The following ST8SIA5 variants were observed in gnomAD, a reference collection of about 807,000 sequenced individuals.
The protein encoded by ST8SIA5 is ST8 alpha-N-acetyl-neuraminide alpha-2,8-sialyltransferase 5.
Under a neutral mutation model 40.2 loss-of-function variants are expected in ST8SIA5, and 24 were observed. That is an observed-to-expected ratio of 0.60 (90% CI 0.43 to 0.84). The LOEUF (loss-of-function observed/expected upper bound fraction) is 0.84. ST8SIA5 is among the 40% of genes least tolerant of loss of function. The probability of loss-of-function intolerance (pLI) is 0.00; values close to 1 mark genes in which losing one functional copy is unlikely to be tolerated. For synonymous variants in ST8SIA5, 198 were observed against 201.8 expected (o/e 0.98, Z 0.16); for missense variants, 465 against 498.5 (o/e 0.93, Z 0.64).
At chr18:46,707,787 C>T (rs2039684067) in intron 1 of ST8SIA5, among the ~76,000 whole-genome samples, 1 of 152,174 alleles carries the variant, frequency 6.6e-6, no homozygotes, top group Admixed American at 6.5e-5. Context: ...AAAAGAGGCC[C>T]AAGAGAGACT....
intron 5 of ST8SIA5, among the ~76,000 whole-genome samples, chr18:46,684,817 G>A (rs2039429985): frequency 6.6e-6 from 1 of 152,176 alleles, no homozygotes; most frequent in South Asian, 2.1e-4. Flanking sequence ...GTTGTTAAAG[G>A]CCTCATGATA....
chr18:46,721,517 A>C (rs140120149), intron 1 of ST8SIA5: 8 of 1,464,890 alleles, frequency 5.5e-6, no homozygotes, highest in Non-Finnish European at 7.4e-6. Flanking sequence ...TTGCTGGGTT[A>C]AGCCTGCCTA....
At chr18:46,740,995 G>A (rs902075081) in intron 1 of ST8SIA5, among the ~76,000 whole-genome samples, 2 of 152,066 alleles carry the variant, frequency 1.3e-5, no homozygotes, top group Admixed American at 1.3e-4. Flanking sequence ...AAAATAGAAA[G>A]ACTGTTAACT....
At chr18:46,726,117 C>G (rs1021842271) in intron 1 of ST8SIA5, among the ~76,000 whole-genome samples, 1 of 145,376 alleles carries the variant, frequency 6.9e-6, no homozygotes, top group Non-Finnish European at 1.5e-5. Flanking sequence ...TTGCTTGAAC[C>G]TGGGAGGCAG....
intron 1 of ST8SIA5, among the ~76,000 whole-genome samples, chr18:46,732,402 G>T (rs1418307925): frequency 6.6e-6 from 1 of 152,224 alleles, no homozygotes; most frequent in African/African-American, 2.4e-5. Flanking sequence ...GGAGTCAGTT[G>T]CACCCAGCAC....
At chr18:46,719,682 T>TCTTTCTTTCTTTCTTTCTTTCTTTCTTTC (rs138438614) in intron 1 of ST8SIA5, among the ~76,000 whole-genome samples, 46 of 107,164 alleles carry the variant, frequency 4.3e-4, no homozygotes, top group African/African-American at 1.5e-3. Context: ...TTCTTTTCTT[T>TCTTTCTTTCTTTCTTTCTTTCTTTCTTTC]TTTCTTTCTT....
intron 2 of ST8SIA5, among the ~76,000 whole-genome samples, chr18:46,694,666 C>A (rs2039538786): frequency 1.3e-5 from 2 of 152,046 alleles, no homozygotes; most frequent in Non-Finnish European, 2.9e-5. Context: ...CTGAGTGTTA[C>A]CAAGAAACTA....
At chr18:46,680,574 C>T in intron 6 of ST8SIA5, 64 bp from the exon 7 acceptor site, 1 of 1,471,446 alleles carries the variant, frequency 6.8e-7, no homozygotes, top group South Asian at 1.4e-5. Context: ...CCTCGCTTCC[C>T]CACCCTTGCA....
intron 1 of ST8SIA5, among the ~76,000 whole-genome samples, chr18:46,710,196 C>T (rs2039708699): frequency 6.6e-6 from 1 of 152,132 alleles, no homozygotes. Flanking sequence ...CATCATTCTG[C>T]CCCATCTCTC....
chr18:46,699,448 C>T (rs916634736), intron 2 of ST8SIA5, among the ~76,000 whole-genome samples: 5 of 150,748 alleles, frequency 3.3e-5, no homozygotes, highest in African/African-American at 4.9e-5. Context: ...GGTGTGATCT[C>T]GGCTCACTGC....
At chr18:46,742,537 C>T (rs116030325) in intron 1 of ST8SIA5, among the ~76,000 whole-genome samples, 5,744 of 152,138 alleles carry the variant, frequency 0.038, 376 homozygotes, top group African/African-American at 0.13. Flanking sequence ...ACCTGATAAG[C>T]GACTTATACT....
intron 1 of ST8SIA5, among the ~76,000 whole-genome samples, chr18:46,730,529 T>C (rs949281435): frequency 2.1e-4 from 32 of 152,242 alleles, no homozygotes; most frequent in African/African-American, 7.7e-4. Flanking sequence ...TTTGTAACTT[T>C]TGATTTTATA....
rs2039313715 is a variant in ST8SIA5, at chr18:46,672,359, T to C, written c.*7683A>G. ...CTGCTGAATCAGATCCTCCGGGAAG[T>C]AAAGGACCTGGCTTGGGGATTATTT... On this transcript the variant is annotated 3_prime_UTR_variant, in exon 7 of 7. Transcript: ENST00000315087. The C allele has an allele frequency of 2.0e-5, 3 of 152,154 alleles. No homozygotes were observed. The highest frequency in any genetic ancestry group is 2.9e-5 in the Non-Finnish European group (2 of 68,030). The allele number at this position is 152,154 out of a possible 1,614,324, so 9.4% of individuals were successfully genotyped here.
At chr18:46,720,198 G>A (rs971370845) in intron 1 of ST8SIA5, among the ~76,000 whole-genome samples, 7 of 152,162 alleles carry the variant, frequency 4.6e-5, no homozygotes, top group Middle Eastern at 3.4e-3. Flanking sequence ...CCAGTAGGGA[G>A]GTACACACTT....
At chr18:46,719,694 C>CTT (rs1555696453) in intron 1 of ST8SIA5, among the ~76,000 whole-genome samples, 3 of 146,664 alleles carry the variant, frequency 2.0e-5, no homozygotes, top group African/African-American at 7.6e-5. Context: ...TTCTTTCTTT[C>CTT]TTTCTTTCTT....
intron 1 of ST8SIA5, among the ~76,000 whole-genome samples, chr18:46,748,273 G>A (rs894148892): frequency 2.6e-5 from 4 of 151,748 alleles, no homozygotes; most frequent in Non-Finnish European, 4.4e-5. Flanking sequence ...GGGGCTGGGC[G>A]TGGTGGCTGG....
At chr18:46,748,446 C>T (rs191231542) in intron 1 of ST8SIA5, among the ~76,000 whole-genome samples, 6 of 151,134 alleles carry the variant, frequency 4.0e-5, no homozygotes, top group African/African-American at 9.7e-5. Context: ...TACCTGTAAT[C>T]CCAGCTACTC....
intron 1 of ST8SIA5, among the ~76,000 whole-genome samples, chr18:46,714,455 G>C (rs2039765214): frequency 6.6e-6 from 1 of 152,232 alleles, no homozygotes; most frequent in Non-Finnish European, 1.5e-5. Flanking sequence ...AGAAGGAGAA[G>C]AGGGAGAATG....
chr18:46,756,019 C>A (rs899720424), intron 1 of ST8SIA5, among the ~76,000 whole-genome samples: 2 of 152,232 alleles, frequency 1.3e-5, no homozygotes, highest in African/African-American at 2.4e-5. Context: ...CCTCCGACCC[C>A]GGAGTCCAAA....
Sources: gnomAD v4.1 joint callset for allele counts (sites outside exome capture counted in the v4.1 genomes callset) on GRCh38, gnomAD v4.1.1 for gene constraint, MANE v1.5 for transcripts, NCBI Gene and HGNC (gene_info 2026-07-23, HGNC 2026-07-21) for gene names.